RSRC1: variants seen among roughly 807,000 people sequenced by gnomAD.
RSRC1 encodes the protein serine/Arginine-related protein 53.
In RSRC1, 39 loss-of-function variants were observed where a neutral mutation model predicts 49.1. That is an observed-to-expected ratio of 0.79 (90% CI 0.61 to 1.04). RSRC1 has a LOEUF of 1.04. RSRC1 is among the 50% of genes least tolerant of loss of function. The pLI is 0.00. For missense variants in RSRC1, 388 were observed against 402.4 expected, an observed-to-expected ratio of 0.96 and a Z score of 0.31; for synonymous variants, 143 against 130.8, an observed-to-expected ratio of 1.09 and a Z score of -0.63.
chr3:158,393,273 C>G (rs961305279), intron 6 of RSRC1, among the ~76,000 whole-genome samples: 3 of 151,590 alleles, frequency 2.0e-5, no homozygotes, highest in African/African-American at 7.3e-5. Context: ...AAAACAAGAG[C>G]GAATCAATCC....
chr3:158,486,073 C>T (rs1738809155), intron 7 of RSRC1, among the ~76,000 whole-genome samples: 1 of 152,148 alleles, frequency 6.6e-6, no homozygotes, highest in South Asian at 2.1e-4. Flanking sequence ...TTTAGCAATA[C>T]TCTACCACAT....
At chr3:158,428,287 A>G (rs527840887) in intron 6 of RSRC1, among the ~76,000 whole-genome samples, 1 of 151,986 alleles carries the variant, frequency 6.6e-6, no homozygotes, top group South Asian at 2.1e-4. Context: ...AATGCATATC[A>G]GTTTGTTCAA....
intron 7 of RSRC1, among the ~76,000 whole-genome samples, chr3:158,512,111 C>G (rs1356424408): frequency 2.7e-5 from 4 of 148,712 alleles, no homozygotes; most frequent in Non-Finnish European, 6.0e-5. Context: ...TGTGCAGAAG[C>G]TCTTTAATTA....
At chr3:158,343,145 C>A (rs1048031687) in intron 5 of RSRC1, among the ~76,000 whole-genome samples, 2 of 152,148 alleles carry the variant, frequency 1.3e-5, no homozygotes, top group African/African-American at 4.8e-5. Context: ...TTAGTGGGAA[C>A]AATAACTGGT....
chr3:158,449,923 C>T (rs1195157485), intron 6 of RSRC1, among the ~76,000 whole-genome samples: 2 of 151,930 alleles, frequency 1.3e-5, no homozygotes, highest in Non-Finnish European at 2.9e-5. Flanking sequence ...TTCTAAGGCC[C>T]TTCTAAACTG....
At position 158,228,955 on chromosome 3, in the gene RSRC1, AAC is replaced by A. The variant is rs765180228; in HGVS notation, c.494+25716_494+25717del. On this transcript the variant is annotated intron_variant, in intron 4 of 9. Transcript: ENST00000611884. ...ACACATACGTGTATATGTGTGTATA[AAC>A]ACACATACGTGTATATGTGTGTATA... 7.0e-5 allele frequency among the ~76,000 whole-genome samples: 7 copies of A among 100,334 alleles called. 2 individuals are homozygous for A. The highest frequency in any genetic ancestry group is 1.9e-4 in the Admixed American group (2 of 10,338). The allele number at this position is 100,334 out of a possible 152,430, so 65.8% of individuals were successfully genotyped here.
chr3:158,277,323 A>G (rs1725872436), intron 4 of RSRC1, among the ~76,000 whole-genome samples: 2 of 152,190 alleles, frequency 1.3e-5, no homozygotes, highest in African/African-American at 2.4e-5. Flanking sequence ...ACCTTTGAAA[A>G]TGTCTTCACA....
chr3:158,165,874 A>C (rs1169147465), intron 3 of RSRC1, among the ~76,000 whole-genome samples: 1 of 152,234 alleles, frequency 6.6e-6, no homozygotes, highest in Admixed American at 6.5e-5. Flanking sequence ...TAAACAGTGT[A>C]GTACATTTCA....
chr3:158,513,620 G>A (rs1015940087), intron 7 of RSRC1, among the ~76,000 whole-genome samples: 2 of 152,164 alleles, frequency 1.3e-5, no homozygotes, highest in African/African-American at 4.8e-5. Flanking sequence ...TCAGGATGAT[G>A]CTGGCCTCAT....
intron 7 of RSRC1, among the ~76,000 whole-genome samples, chr3:158,517,504 T>C (rs2108484718): frequency 6.6e-6 from 1 of 152,262 alleles, no homozygotes; most frequent in South Asian, 2.1e-4. Context: ...GGGTGATGTT[T>C]GTTTTGGTGG....
At chr3:158,454,071 T>G (rs1737191903) in intron 6 of RSRC1, among the ~76,000 whole-genome samples, 1 of 152,140 alleles carries the variant, frequency 6.6e-6, no homozygotes, top group Non-Finnish European at 1.5e-5. Flanking sequence ...TATGTGTATC[T>G]ACTTTGCATT....
chr3:158,266,379 A>G (rs1725174566), intron 4 of RSRC1, among the ~76,000 whole-genome samples: 1 of 151,984 alleles, frequency 6.6e-6, no homozygotes, highest in Non-Finnish European at 1.5e-5. Context: ...TTTAATTGTT[A>G]TATATTTTGA....
At chr3:158,524,034 G>A (rs1358691211) in intron 7 of RSRC1, among the ~76,000 whole-genome samples, 1 of 152,000 alleles carries the variant, frequency 6.6e-6, no homozygotes, top group Non-Finnish European at 1.5e-5. Flanking sequence ...TTTGTCTTCA[G>A]CATCATACTG....
At chr3:158,214,126 A>C (rs1036674122) in intron 4 of RSRC1, among the ~76,000 whole-genome samples, 1 of 151,930 alleles carries the variant, frequency 6.6e-6, no homozygotes, top group African/African-American at 2.4e-5. Context: ...AGATGATCTA[A>C]AGTATACAGG....
At chr3:158,469,879 T>G (rs1162521867) in intron 7 of RSRC1, 1 of 152,140 alleles carries the variant, frequency 6.6e-6, no homozygotes, top group African/African-American at 2.4e-5. Context: ...TTGAAACTTA[T>G]GTTAGCATTA....
chr3:158,348,740 T>A (rs1230895290), intron 5 of RSRC1, among the ~76,000 whole-genome samples: 1 of 152,140 alleles, frequency 6.6e-6, no homozygotes, highest in Non-Finnish European at 1.5e-5. Flanking sequence ...CCTCCCAACC[T>A]CCTCTCTTTT....
chr3:158,416,908 AT>A (rs1048698119), intron 6 of RSRC1, among the ~76,000 whole-genome samples: 17 of 151,998 alleles, frequency 1.1e-4, no homozygotes, highest in Admixed American at 7.2e-4. Context: ...GTATCTGAAG[AT>A]TTTTTTTAAG....
intron 5 of RSRC1, among the ~76,000 whole-genome samples, chr3:158,316,273 G>A (rs80165189): frequency 0.076 from 11,608 of 151,914 alleles, 537 homozygotes; most frequent in South Asian, 0.13. Flanking sequence ...GCAAGTTGGC[G>A]TATGCAAAGA....
At chr3:158,512,508 T>G (rs1173800823) in intron 7 of RSRC1, among the ~76,000 whole-genome samples, 16 of 152,184 alleles carry the variant, frequency 1.1e-4, no homozygotes, top group South Asian at 2.1e-4. Context: ...TGCTGTTTTG[T>G]TTACTGTAGC....
Sources: allele counts gnomAD v4.1 joint callset (sites outside exome capture counted in the v4.1 genomes callset), GRCh38; gene constraint gnomAD v4.1.1; transcripts MANE v1.5; gene names NCBI Gene and HGNC (gene_info 2026-07-23, HGNC 2026-07-21).